Variants in BAHCC1 observed in about 807,000 individuals in gnomAD.
The protein encoded by BAHCC1 is BAH domain and coiled-coil containing 1, also known as BAH and coiled-coil domain-containing protein 1.
BAHCC1 carries 43 observed loss-of-function variants against 88.2 expected under a neutral mutation model. The observed-to-expected ratio is 0.49, with a 90% confidence interval of 0.38 to 0.63. The LOEUF (loss-of-function observed/expected upper bound fraction) is 0.63, where lower values mean the gene tolerates loss of function less well. Ranked by LOEUF, BAHCC1 falls within the 20% of genes least tolerant of loss-of-function variation. The pLI, the probability that BAHCC1 is intolerant of heterozygous loss-of-function variation, is 0.00. For missense variants in BAHCC1, 3,023 were observed against 1,654.8 expected, an observed-to-expected ratio of 1.83 and a Z score of -14.34; for synonymous variants, 1,510 against 745.5, an observed-to-expected ratio of 2.03 and a Z score of -16.71.
chr17:81,431,093 G>T (rs1221329822), intron 3 of BAHCC1, among the ~76,000 whole-genome samples: 8 of 151,332 alleles, frequency 5.3e-5, no homozygotes, highest in Non-Finnish European at 8.9e-5. Context: ...ATCCCAGCGT[G>T]GGGGTGGAGG....
At chr17:81,427,663 G>T (rs2064215991) in intron 3 of BAHCC1, among the ~76,000 whole-genome samples, 1 of 152,176 alleles carries the variant, frequency 6.6e-6, no homozygotes, top group Non-Finnish European at 1.5e-5. Flanking sequence ...CATGTCCTTG[G>T]GCCCACAGTT....
intron 11 of BAHCC1, among the ~76,000 whole-genome samples, chr17:81,449,627 G>T (rs964746223): frequency 6.6e-6 from 1 of 152,030 alleles, no homozygotes; most frequent in Non-Finnish European, 1.5e-5. Flanking sequence ...AGTGGAAGGG[G>T]CCTGCAGATG....
chr17:81,417,642 T>A (rs2064052317), intron 2 of BAHCC1, among the ~76,000 whole-genome samples: 1 of 150,866 alleles, frequency 6.6e-6, no homozygotes, highest in Non-Finnish European at 1.5e-5. Flanking sequence ...TTTTATTAGT[T>A]CTGGGCTGTC....
At chr17:81,446,859 C>T (rs1037977093) in intron 10 of BAHCC1, 177 bp from the exon 11 acceptor site, 7 of 669,888 alleles carry the variant, frequency 1.0e-5, no homozygotes, top group Non-Finnish European at 1.9e-5. Flanking sequence ...AGCCAGGTTG[C>T]CCCCTTAATT....
At chr17:81,436,920 A>G (rs78434568) in intron 3 of BAHCC1, among the ~76,000 whole-genome samples, 19,494 of 152,200 alleles carry the variant, frequency 0.13, 1,348 homozygotes, top group Non-Finnish European at 0.16. Context: ...TCCAAATGGG[A>G]CGTGTGTGGG....
intron 2 of BAHCC1, among the ~76,000 whole-genome samples, chr17:81,414,270 G>A (rs1598459968): frequency 6.6e-6 from 1 of 152,234 alleles, no homozygotes; most frequent in Non-Finnish European, 1.5e-5. Flanking sequence ...CCAATGCCTG[G>A]CGCCCTGGCC....
chr17:81,432,289 G>A (rs2064269433), intron 3 of BAHCC1, among the ~76,000 whole-genome samples: 4 of 152,140 alleles, frequency 2.6e-5, no homozygotes, highest in Non-Finnish European at 5.9e-5. Flanking sequence ...GTGTGCCTGT[G>A]TGTGGGGCTG....
chr17:81,420,713 C>T (rs2064106346), intron 2 of BAHCC1, among the ~76,000 whole-genome samples: 1 of 152,264 alleles, frequency 6.6e-6, no homozygotes, highest in Non-Finnish European at 1.5e-5. Flanking sequence ...CCGGCCTGGG[C>T]CGGCTGGGCA....
intron 3 of BAHCC1, among the ~76,000 whole-genome samples, chr17:81,436,278 C>T (rs1306790396): frequency 6.6e-6 from 1 of 152,226 alleles, no homozygotes; most frequent in African/African-American, 2.4e-5. Context: ...AGCCAAGGCC[C>T]AGCAGCTGAG....
rs1163576209 is a variant in BAHCC1, at chr17:81,399,808, C to T, written c.69C>T (p.Ser23=). The change falls in exon 2 of 28, where the codon AGC becomes AGT. Residue 23 remains serine, a synonymous_variant. Transcript: ENST00000675386. The surrounding 1 kb of genome is among the most constrained non-coding windows in gnomAD (Gnocchi z 4.5). The part of the protein sequence containing the change: ...LSERGSLGHR[S]AAAAARLAPA... ...AGCGCGGGAGCCTGGGCCACCGCAG[C>T]GCCGCTGCCGCCGCGCGTCTCGCCC... 1.5e-6 allele frequency: 2 copies of T among 1,309,942 alleles called. No individual in the cohort carries two copies. The highest frequency in any genetic ancestry group is 3.2e-5 in the East Asian group (1 of 31,112). The allele number at this position is 1,309,942 out of a possible 1,614,324, so 81.1% of individuals were successfully genotyped here.
chr17:81,427,365 C>G lies in BAHCC1; in HGVS notation c.358+386C>G, dbSNP rs988890993. Reference sequence around the variant, plus strand: ...CGCTAGGAGGCGGGCTCCAAATGTGCCAGCTGGAGGAGGGGGCCGGGGCGG... The same window carrying G: ...CGCTAGGAGGCGGGCTCCAAATGTGGCAGCTGGAGGAGGGGGCCGGGGCGG... On this transcript the variant is annotated intron_variant, in intron 3 of 27. Transcript: ENST00000675386. 1.6e-3 allele frequency among the ~76,000 whole-genome samples: 245 copies of G among 152,268 alleles called. 1 individual carries two copies. The highest frequency in any genetic ancestry group is 5.6e-3 in the African/African-American group (234 of 41,554).
Position 81,419,788 on chromosome 17 carries a change from C to CTTTTTTTTTTTTTT in BAHCC1, c.179-7012_179-7011insTTTTTTTTTTTTTT, listed in dbSNP as rs781909536. On this transcript the variant is annotated intron_variant, in intron 2 of 27. Coordinates refer to ENST00000675386, the MANE Select transcript of BAHCC1 (RefSeq NM_001377448.1). ...TGGAGCTGCCGCCATCTCAACGAGG[C>CTTTTTTTTTTTTTT]GTTTTTTTTTTTTTTTTTTTTTACA... is the stretch of plus-strand genomic sequence containing the variant. 5.9e-5 allele frequency among the ~76,000 whole-genome samples: 6 copies of CTTTTTTTTTTTTTT among 102,310 alleles called. 3 individuals carry two copies. The highest frequency in any genetic ancestry group is 1.2e-4 in the Non-Finnish European group (6 of 50,710). 67.1% of individuals were successfully genotyped at this position (102,310 alleles called of 152,430 possible).
At chr17:81,427,012 C>G (rs1299843778) in intron 3 of BAHCC1, 33 bp downstream of exon 3, 4 of 398,426 alleles carry the variant, frequency 1.0e-5, no homozygotes, top group African/African-American at 8.2e-5. Flanking sequence ...CAGCGACACC[C>G]TGGTGGCCAA....
At chr17:81,446,965 C>T (rs960431499) in intron 10 of BAHCC1, 71 bp from the exon 11 acceptor site, 1 of 763,248 alleles carries the variant, frequency 1.3e-6, no homozygotes, top group Non-Finnish European at 2.4e-6. Context: ...GGCCACTGTC[C>T]TCCGTCCTAT....
chr17:81,417,645 G>C (rs1240688638), intron 2 of BAHCC1, among the ~76,000 whole-genome samples: 2 of 137,128 alleles, frequency 1.5e-5, no homozygotes, highest in African/African-American at 2.7e-5. Flanking sequence ...TATTAGTTCT[G>C]GGCTGTCGGT....
chr17:81,452,180 G>A (rs2064651523), intron 13 of BAHCC1, 73 bp downstream of exon 13: 1 of 550,186 alleles, frequency 1.8e-6, no homozygotes, highest in Non-Finnish European at 3.2e-6. Flanking sequence ...CACAGTGCTG[G>A]GGCCGATGTG....
intron 23 of BAHCC1, 143 bp from the exon 24 acceptor site, chr17:81,460,134 G>A: frequency 1.6e-6 from 1 of 622,254 alleles, no homozygotes; most frequent in Non-Finnish European, 2.9e-6. Context: ...CTGGGCTGCA[G>A]GGCGGCTCCA....
intron 3 of BAHCC1, among the ~76,000 whole-genome samples, chr17:81,427,330 C>T (rs2064212223): frequency 6.6e-6 from 1 of 152,192 alleles, no homozygotes; most frequent in Non-Finnish European, 1.5e-5. Flanking sequence ...CCGTGCCCCA[C>T]CTCCCCAGAC....
At chr17:81,398,886 C>T (rs2063773746) in intron 1 of BAHCC1, among the ~76,000 whole-genome samples, 1 of 145,230 alleles carries the variant, frequency 6.9e-6, no homozygotes, top group Non-Finnish European at 1.5e-5. Flanking sequence ...AAGAATGGGC[C>T]GAAAGATGCA....
Sources: gnomAD v4.1 joint callset for allele counts (sites outside exome capture counted in the v4.1 genomes callset) on GRCh38, gnomAD v4.1.1 for gene constraint, Gnocchi (gnomAD v3.1) non-coding constraint, MANE v1.5 for transcripts, NCBI Gene and HGNC (gene_info 2026-07-23, HGNC 2026-07-21) for gene names.